ZBTB20: variants seen among roughly 807,000 people sequenced by gnomAD.
ZBTB20 encodes zinc finger and BTB domain containing 20.
In ZBTB20, 9 loss-of-function variants were observed where a neutral mutation model predicts 56.9. That is an observed-to-expected ratio of 0.16 (90% CI 0.10 to 0.28). The LOEUF is 0.28. ZBTB20 is among the 10% of genes least tolerant of loss of function. The pLI is 1.00. For missense variants in ZBTB20, 655 were observed against 1,003.0 expected (o/e 0.65, Z 4.69); for synonymous variants, 417 against 420.7 (o/e 0.99, Z 0.11).
intron 6 of ZBTB20, among the ~76,000 whole-genome samples, chr3:114,545,102 T>C (rs1418527944): frequency 6.6e-6 from 1 of 152,218 alleles, no homozygotes; most frequent in African/African-American, 2.4e-5. Context: ...GCATCATCTC[T>C]GTATATGAAG....
At chr3:115,021,463 T>C (rs554951234) in intron 2 of ZBTB20, among the ~76,000 whole-genome samples, 1 of 151,082 alleles carries the variant, frequency 6.6e-6, no homozygotes, top group African/African-American at 2.4e-5. Flanking sequence ...GTAAAAAAAC[T>C]ACACATACGC....
intron 2 of ZBTB20, among the ~76,000 whole-genome samples, chr3:115,014,542 T>C (rs1308151063): frequency 6.6e-6 from 1 of 151,636 alleles, no homozygotes; most frequent in Non-Finnish European, 1.5e-5. Context: ...CCCATAAATA[T>C]ATATACCTAC....
At chr3:114,983,312 T>A (rs1270520552) in intron 2 of ZBTB20, among the ~76,000 whole-genome samples, 1 of 152,042 alleles carries the variant, frequency 6.6e-6, no homozygotes, top group African/African-American at 2.4e-5. Flanking sequence ...CATGAGGTAT[T>A]CGTCTCTACT....
intron 6 of ZBTB20, chr3:114,529,343 T>G (rs2047579791): frequency 1.3e-5 from 2 of 152,214 alleles, no homozygotes; most frequent in African/African-American, 2.4e-5. Flanking sequence ...CCTGGGTCCC[T>G]GACCAGTCTT....
intron 6 of ZBTB20, among the ~76,000 whole-genome samples, chr3:114,550,901 C>A (rs759519089): frequency 2.0e-5 from 3 of 152,130 alleles, no homozygotes; most frequent in Non-Finnish European, 4.4e-5. Flanking sequence ...CAGGTATGTG[C>A]CACCATGTCC....
At chr3:114,729,859 G>A (rs1208366227) in intron 5 of ZBTB20, among the ~76,000 whole-genome samples, 3 of 151,422 alleles carry the variant, frequency 2.0e-5, no homozygotes, top group Non-Finnish European at 4.4e-5. Context: ...GCTGGAGTGC[G>A]GTGGCATGAC....
intron 8 of ZBTB20, among the ~76,000 whole-genome samples, chr3:114,387,097 CT>C (rs2085232484): frequency 6.6e-6 from 1 of 151,950 alleles, no homozygotes; most frequent in African/African-American, 2.4e-5. Flanking sequence ...ATCTCATTGA[CT>C]TATCACAATA....
chr3:114,426,585 T>C (rs2089693544), intron 7 of ZBTB20, among the ~76,000 whole-genome samples: 2 of 152,154 alleles, frequency 1.3e-5, no homozygotes, highest in Non-Finnish European at 1.5e-5. Flanking sequence ...TTTTGTCTTC[T>C]GGCTTCCTTC....
chr3:114,466,302 T>C (rs569104764), intron 7 of ZBTB20, among the ~76,000 whole-genome samples: 1 of 152,328 alleles, frequency 6.6e-6, no homozygotes, highest in South Asian at 2.1e-4. Context: ...TCATAACATC[T>C]AAGGTAGGCA....
intron 6 of ZBTB20, among the ~76,000 whole-genome samples, chr3:114,665,870 C>A (rs2108120974): frequency 6.6e-6 from 1 of 152,126 alleles, no homozygotes; most frequent in South Asian, 2.1e-4. Flanking sequence ...TCTAATAAGT[C>A]TAATTTTTCC....
At chr3:114,951,013 G>A (rs749073706) in intron 3 of ZBTB20, among the ~76,000 whole-genome samples, 61 of 151,992 alleles carry the variant, frequency 4.0e-4, no homozygotes, top group Non-Finnish European at 7.8e-4. Flanking sequence ...TCATGATAGT[G>A]GTTATCCTGA....
At chr3:114,791,886 T>C (rs1420568604) in intron 5 of ZBTB20, 1 of 152,184 alleles carries the variant, frequency 6.6e-6, no homozygotes, top group Admixed American at 6.6e-5. Context: ...CTTCATTCTG[T>C]ATTCAGTGTC....
chr3:115,001,680 A>G (rs1576534464), intron 2 of ZBTB20, among the ~76,000 whole-genome samples: 1 of 151,572 alleles, frequency 6.6e-6, no homozygotes, highest in African/African-American at 2.4e-5. Flanking sequence ...TTCATATAAA[A>G]TCTAACAAAA....
chr3:114,757,230 T>G (rs2068069818), intron 5 of ZBTB20, among the ~76,000 whole-genome samples: 1 of 152,118 alleles, frequency 6.6e-6, no homozygotes, highest in African/African-American at 2.4e-5. Flanking sequence ...TCATATTTAG[T>G]GGGTTAAATC....
At chr3:114,820,551 C>T (rs987728025) in intron 4 of ZBTB20, among the ~76,000 whole-genome samples, 1 of 151,894 alleles carries the variant, frequency 6.6e-6, no homozygotes, top group African/African-American at 2.4e-5. Flanking sequence ...AACAAGTGTA[C>T]ATTACCTTTT....
At chr3:114,486,956 T>G (rs2042213859) in intron 7 of ZBTB20, among the ~76,000 whole-genome samples, 1 of 152,104 alleles carries the variant, frequency 6.6e-6, no homozygotes, top group Non-Finnish European at 1.5e-5. Flanking sequence ...AAAGAGACCA[T>G]GTAAAAGAAG....
At chr3:114,596,810 T>C (rs763738431) in intron 6 of ZBTB20, among the ~76,000 whole-genome samples, 20 of 152,150 alleles carry the variant, frequency 1.3e-4, no homozygotes, top group Non-Finnish European at 2.1e-4. Flanking sequence ...CATGAAAGCA[T>C]GTGGCATCTC....
chr3:114,639,074 C>A (rs2059424024), intron 6 of ZBTB20, among the ~76,000 whole-genome samples: 1 of 152,052 alleles, frequency 6.6e-6, no homozygotes, highest in Admixed American at 6.6e-5. Flanking sequence ...TTTCTAAAAT[C>A]TTTCACCTGA....
At chr3:115,115,088 CAT>C (rs1290993077) in intron 1 of ZBTB20, among the ~76,000 whole-genome samples, 1 of 152,052 alleles carries the variant, frequency 6.6e-6, no homozygotes, top group African/African-American at 2.4e-5. Context: ...CATTTGGTAA[CAT>C]ATTTTTGACT....
Sources: gnomAD v4.1 joint callset for allele counts (sites outside exome capture counted in the v4.1 genomes callset) on GRCh38, gnomAD v4.1.1 for gene constraint, MANE v1.5 for transcripts, NCBI Gene and HGNC (gene_info 2026-07-23, HGNC 2026-07-21) for gene names.